The following TRPM3 variants were observed in gnomAD, a reference collection of about 807,000 sequenced individuals.
The protein encoded by TRPM3 is long transient receptor potential channel 3.
In TRPM3, 77 loss-of-function variants were observed where a neutral mutation model predicts 181.2. The observed-to-expected ratio is 0.42, with a 90% CI of 0.35 to 0.51. TRPM3 has a LOEUF of 0.51. Ranked by LOEUF, TRPM3 falls within the 20% of genes least tolerant of loss-of-function variation. The pLI, the probability that TRPM3 is intolerant of heterozygous loss-of-function variation, is 0.01. For missense variants in TRPM3, 1,759 were observed against 2,196.7 expected, an observed-to-expected ratio of 0.80 and a Z score of 3.98; for synonymous variants, 745 against 796.4, an observed-to-expected ratio of 0.94 and a Z score of 1.09.
At position 70,681,565 on chromosome 9, in the gene TRPM3, C is replaced by T. The variant is rs776308129; in HGVS notation, c.1286G>A (p.Arg429Gln). ...GTCCTGGTGTCCTTCTGATCCCATC[C>T]GAAATACCGTAATCTGCAATTTGAG... The part of the protein sequence containing the change: ...MKKKELITVF[R>Q]MGSEGHQDID... Residue 429 changes from arginine to glutamine, a missense_variant, in exon 9 of 26, where the codon CGG becomes CAG. By Grantham distance (43) the Arg-to-Gln change is conservative. Coordinates refer to ENST00000677713, the MANE Select transcript of TRPM3 (RefSeq NM_001366145.2). The T allele has an allele frequency of 1.1e-5, 17 of 1,613,616 alleles. No individual in the cohort carries two copies. The highest frequency in any genetic ancestry group is 2.2e-5 in the East Asian group (1 of 44,872).
chr9:70,805,744 C>A (rs1234318803), intron 6 of TRPM3, among the ~76,000 whole-genome samples: 1 of 152,116 alleles, frequency 6.6e-6, no homozygotes, highest in Admixed American at 6.5e-5. Context: ...ACAAATCCTG[C>A]TTTACATGTG....
chr9:71,277,436 T>C (rs2084305852), intron 1 of TRPM3, among the ~76,000 whole-genome samples: 1 of 152,224 alleles, frequency 6.6e-6, no homozygotes. Flanking sequence ...TGTTTTTGTT[T>C]GTTATAAATA....
intron 1 of TRPM3, among the ~76,000 whole-genome samples, chr9:70,900,440 C>A (rs2133007229): frequency 6.6e-6 from 1 of 151,988 alleles, no homozygotes; most frequent in Admixed American, 6.5e-5. Context: ...GAATTCAAGG[C>A]ACAAACAAGG....
intron 8 of TRPM3, among the ~76,000 whole-genome samples, chr9:70,747,815 G>T (rs999324566): frequency 2.0e-5 from 3 of 151,986 alleles, no homozygotes; most frequent in African/African-American, 7.2e-5. Context: ...ATTGGACTAG[G>T]CGACCAAGTT....
At chr9:71,386,186 C>T (rs112220867) in intron 1 of TRPM3, among the ~76,000 whole-genome samples, 26,618 of 151,880 alleles carry the variant, frequency 0.18, 3,021 homozygotes, top group Middle Eastern at 0.26. Context: ...CGTGGTGGCT[C>T]CTGCCTGTAA....
At chr9:71,160,524 C>T (rs1450191965) in intron 1 of TRPM3, among the ~76,000 whole-genome samples, 1 of 152,074 alleles carries the variant, frequency 6.6e-6, no homozygotes, top group African/African-American at 2.4e-5. Flanking sequence ...ACTACTTATC[C>T]TTCTCACTCT....
chr9:71,027,817 TAA>T (rs2056769856), intron 1 of TRPM3, among the ~76,000 whole-genome samples: 1 of 152,114 alleles, frequency 6.6e-6, no homozygotes, highest in African/African-American at 2.4e-5. Flanking sequence ...TGGGATTATG[TAA>T]AGAGACCAAA....
intron 1 of TRPM3, among the ~76,000 whole-genome samples, chr9:71,303,141 T>C (rs1361855146): frequency 6.6e-6 from 1 of 152,132 alleles, no homozygotes; most frequent in Non-Finnish European, 1.5e-5. Flanking sequence ...CACGGTGTGA[T>C]GTAAGCTTCT....
At chr9:70,593,310 T>G (rs1013694111) in intron 21 of TRPM3, among the ~76,000 whole-genome samples, 3 of 152,228 alleles carry the variant, frequency 2.0e-5, no homozygotes, top group Non-Finnish European at 4.4e-5. Context: ...TTGAAAGTTT[T>G]ATAGAAAACA....
chr9:70,553,644 CT>C (rs1316689458), intron 22 of TRPM3, among the ~76,000 whole-genome samples: 2 of 152,184 alleles, frequency 1.3e-5, no homozygotes, highest in African/African-American at 4.8e-5. Context: ...TGATTGAGAA[CT>C]TTTCTTGGGT....
intron 6 of TRPM3, chr9:70,827,249 G>T (rs960562276): frequency 2.0e-5 from 3 of 152,130 alleles, no homozygotes; most frequent in Non-Finnish European, 4.4e-5. Flanking sequence ...CAGCTAGATC[G>T]TTGCTAAGTT....
At chr9:71,296,988 C>CT (rs398010878) in intron 1 of TRPM3, among the ~76,000 whole-genome samples, 5,466 of 97,860 alleles carry the variant, frequency 0.056, 238 homozygotes, top group East Asian at 0.17. Flanking sequence ...TGAATCTTTT[C>CT]TTTTTTTTTT....
At chr9:70,766,288 A>T (rs2079105706) in intron 7 of TRPM3, among the ~76,000 whole-genome samples, 1 of 152,160 alleles carries the variant, frequency 6.6e-6, no homozygotes, top group Non-Finnish European at 1.5e-5. Context: ...ACACATACAA[A>T]TATATTTCTC....
intron 6 of TRPM3, among the ~76,000 whole-genome samples, chr9:70,815,108 T>C (rs1172670334): frequency 6.6e-6 from 1 of 152,104 alleles, no homozygotes; most frequent in East Asian, 1.9e-4. Context: ...AGTATATATA[T>C]GTAATTTTAA....
At chr9:70,808,147 CA>C (rs1172145158) in intron 6 of TRPM3, among the ~76,000 whole-genome samples, 1 of 152,300 alleles carries the variant, frequency 6.6e-6, no homozygotes, top group East Asian at 1.9e-4. Flanking sequence ...TGGGTTCCAT[CA>C]AGATAACAGG....
chr9:71,055,419 GA>G (rs2060550344), intron 1 of TRPM3, among the ~76,000 whole-genome samples: 1 of 151,976 alleles, frequency 6.6e-6, no homozygotes, highest in South Asian at 2.1e-4. Flanking sequence ...ACAGAGTTTG[GA>G]AAAGTAAAGA....
chr9:70,648,088 A>G (rs1353390388), intron 9 of TRPM3, among the ~76,000 whole-genome samples: 3 of 152,226 alleles, frequency 2.0e-5, no homozygotes, highest in Non-Finnish European at 2.9e-5. Flanking sequence ...ATGGATAGGA[A>G]TTATTACTAT....
intron 1 of TRPM3, among the ~76,000 whole-genome samples, chr9:71,317,350 A>C (rs2088702727): frequency 6.6e-6 from 1 of 152,200 alleles, no homozygotes; most frequent in Admixed American, 6.5e-5. Context: ...AATATAGAAC[A>C]AGGCCTGGAA....
chr9:70,908,495 G>A (rs1029745013), intron 1 of TRPM3, among the ~76,000 whole-genome samples: 12 of 152,302 alleles, frequency 7.9e-5, no homozygotes, highest in African/African-American at 2.9e-4. Context: ...AGGAGGGAAG[G>A]GAGCCCATAT....
Sources: gnomAD v4.1 joint callset for allele counts (sites outside exome capture counted in the v4.1 genomes callset) on GRCh38, gnomAD v4.1.1 for gene constraint, MANE v1.5 for transcripts, NCBI Gene and HGNC (gene_info 2026-07-23, HGNC 2026-07-21) for gene names.